RGMA: variants seen among roughly 807,000 people sequenced by gnomAD.
The protein encoded by RGMA is repulsive guidance molecule BMP co-receptor a, also known as repulsive guidance molecule A.
A neutral mutation model predicts 23.2 loss-of-function variants in RGMA; 10 were observed. The ratio of observed to expected loss-of-function variants is 0.43; its 90% CI spans 0.27 to 0.73. RGMA has a LOEUF of 0.73. RGMA is among the 30% of genes least tolerant of loss of function. The pLI, the probability that RGMA is intolerant of heterozygous loss-of-function variation, is 0.20. For missense variants in RGMA, 547 were observed against 630.5 expected (o/e 0.87, Z 1.42); for synonymous variants, 308 against 279.3 (o/e 1.10, Z -1.03).
At chr15:93,072,588 C>G (rs1895364994) in intron 2 of RGMA, among the ~76,000 whole-genome samples, 1 of 152,180 alleles carries the variant, frequency 6.6e-6, no homozygotes, top group South Asian at 2.1e-4. Context: ...CTCCCCTTCT[C>G]CCCCTCTTCC....
In RGMA at chr15:93,053,996, G is replaced by A. The variant is rs146905489; in HGVS notation, c.131-1489C>T. On this transcript the variant is annotated intron_variant, in intron 2 of 3. Transcript: ENST00000329082. ...TAATCCCAGCACTTTTTGGGAGGCCGAGGCAGGCAGATCATGTGAGGTCTG... is the reference window on the plus strand; with the variant it reads ...TAATCCCAGCACTTTTTGGGAGGCCAAGGCAGGCAGATCATGTGAGGTCTG... Among the ~76,000 whole-genome samples, 126 of 152,208 alleles carry A rather than the reference G, an allele frequency of 8.3e-4. 1 individual carries two copies. The highest frequency in any genetic ancestry group is 2.8e-3 in the African/African-American group (115 of 41,526).
At chr15:93,046,360 T>TC (rs2054824472) in intron 3 of RGMA, among the ~76,000 whole-genome samples, 1 of 152,172 alleles carries the variant, frequency 6.6e-6, no homozygotes, top group Admixed American at 6.5e-5. Flanking sequence ...GAATGGATTC[T>TC]CCCCTGGAGT....
rs1331697623 is a variant in RGMA at position 93,045,508 on chromosome 15, G to A, written c.843C>T (p.Ile281=). The change falls in exon 4 of 4, where the codon ATC becomes ATT. Residue 281 remains isoleucine, a synonymous_variant. Transcript: ENST00000329082. This position sits in a 1 kb window ranked among gnomAD's most constrained non-coding sequence, Gnocchi z 6.9. The part of the protein sequence containing the change: ...EIQAKYIGTT[I]VVRQVGRYLT... ...GGTAGCGGCCCACCTGGCGCACCAC[G>A]ATGGTGGTGCCGATGTACTTGGCCT... 4.3e-6 allele frequency: 7 copies of A among 1,613,232 alleles called. No individual in the cohort carries two copies. Among genetic ancestry groups the A allele is most frequent in the East Asian group, 4.5e-5 (2 of 44,874 alleles).
chr15:93,044,698 G>T lies in RGMA; in HGVS notation c.*300C>A, dbSNP rs2054785154. 1 of 445,354 alleles carries T rather than the reference G, an allele frequency of 2.2e-6. No individual in the cohort carries two copies. Among genetic ancestry groups the T allele is most frequent in the Admixed American group, 3.9e-5 (1 of 25,884 alleles). 27.6% of individuals were successfully genotyped at this position (445,354 alleles called of 1,614,324 possible). Reference sequence around the variant, plus strand: ...GGTTCCCAGTGTGTCTCTGGTGGGGGTGGGGGGCTTCAGCCTGAGGGGATG... The same window carrying T: ...GGTTCCCAGTGTGTCTCTGGTGGGGTTGGGGGGCTTCAGCCTGAGGGGATG... On this transcript the variant is annotated 3_prime_UTR_variant, in exon 4 of 4. Transcript: ENST00000329082.
chr15:93,087,866 G>C (rs1895664253), intron 1 of RGMA, among the ~76,000 whole-genome samples: 1 of 152,036 alleles, frequency 6.6e-6, no homozygotes, highest in African/African-American at 2.4e-5. Context: ...GGGAGGTCGG[G>C]GTTCTCCCTG....
chr15:93,051,224 G>T (rs2054913481), intron 3 of RGMA, among the ~76,000 whole-genome samples: 1 of 152,234 alleles, frequency 6.6e-6, no homozygotes, highest in South Asian at 2.1e-4. Context: ...TCCTCTGGGT[G>T]TGGAGGGGTG....
At chr15:93,082,160 T>G (rs1895568863) in intron 1 of RGMA, among the ~76,000 whole-genome samples, 1 of 152,232 alleles carries the variant, frequency 6.6e-6, no homozygotes, top group Non-Finnish European at 1.5e-5. Context: ...CAATATTCAT[T>G]TTATATCATG....
chr15:93,083,659 A>G (rs536962944), intron 1 of RGMA, among the ~76,000 whole-genome samples: 1 of 152,338 alleles, frequency 6.6e-6, no homozygotes, highest in East Asian at 1.9e-4. Context: ...AGTATTCTGA[A>G]ATCTGAATGT....
intron 1 of RGMA, among the ~76,000 whole-genome samples, chr15:93,087,110 A>G (rs562092372): frequency 7.6e-4 from 115 of 152,310 alleles, no homozygotes; most frequent in African/African-American, 2.7e-3. Flanking sequence ...GAAGCAGGGT[A>G]CTTGAAAAAA....
intron 3 of RGMA, among the ~76,000 whole-genome samples, chr15:93,048,058 A>G (rs961241603): frequency 3.9e-5 from 6 of 152,132 alleles, no homozygotes; most frequent in African/African-American, 1.2e-4. Flanking sequence ...GCCCAGGGTC[A>G]TGGCCTCAGG....
At chr15:93,060,915 G>A (rs532795410) in intron 2 of RGMA, among the ~76,000 whole-genome samples, 3 of 152,302 alleles carry the variant, frequency 2.0e-5, no homozygotes, top group Non-Finnish European at 4.4e-5. Context: ...GAAGTAGGGC[G>A]GCTTTGTGAT....
At chr15:93,078,943 T>C (rs115899910) in intron 1 of RGMA, among the ~76,000 whole-genome samples, 3,273 of 152,372 alleles carry the variant, frequency 0.021, 138 homozygotes, top group African/African-American at 0.076. Context: ...ATTTGGATTA[T>C]GTTCTCATAA....
intron 1 of RGMA, among the ~76,000 whole-genome samples, chr15:93,077,591 T>C (rs993580318): frequency 3.9e-5 from 6 of 152,220 alleles, no homozygotes; most frequent in East Asian, 1.9e-4. Flanking sequence ...TTTCTTGAGA[T>C]TGTTGCTACA....
At chr15:93,074,134 T>C (rs929726720) in intron 1 of RGMA, 2 of 670,222 alleles carry the variant, frequency 3.0e-6, no homozygotes, top group Non-Finnish European at 4.1e-6. Context: ...GAAACACAAA[T>C]AGTCCTGAGC....
intron 1 of RGMA, chr15:93,088,456 G>T: frequency 2.0e-6 from 2 of 986,684 alleles, no homozygotes; most frequent in Non-Finnish European, 2.4e-6. Context: ...CCCACGCGGT[G>T]CACTGCGCCG....
At chr15:93,086,290 G>A (rs915052345) in intron 1 of RGMA, among the ~76,000 whole-genome samples, 5 of 152,168 alleles carry the variant, frequency 3.3e-5, no homozygotes, top group African/African-American at 1.2e-4. Context: ...TCGTTTCACA[G>A]AACTAACAGA....
At chr15:93,069,584 A>T (rs759976331) in intron 2 of RGMA, among the ~76,000 whole-genome samples, 17 of 152,208 alleles carry the variant, frequency 1.1e-4, no homozygotes, top group Non-Finnish European at 7.3e-5. Flanking sequence ...AGGAACAAAG[A>T]AAGTCTGGAG....
chr15:93,071,234 C>T (rs1895312085), intron 2 of RGMA, among the ~76,000 whole-genome samples: 1 of 152,222 alleles, frequency 6.6e-6, no homozygotes, highest in African/African-American at 2.4e-5. Flanking sequence ...TTGCAAACTC[C>T]TGCTTTTCCA....
intron 1 of RGMA, among the ~76,000 whole-genome samples, chr15:93,082,054 C>CA (rs1460588815): frequency 2.2e-4 from 34 of 152,342 alleles, no homozygotes; most frequent in African/African-American, 8.2e-4. Flanking sequence ...ATTTGCAGAT[C>CA]TATCAAAAGA....
Sources: gnomAD v4.1 joint callset for allele counts (sites outside exome capture counted in the v4.1 genomes callset) on GRCh38, gnomAD v4.1.1 for gene constraint, Gnocchi (gnomAD v3.1) non-coding constraint, MANE v1.5 for transcripts, NCBI Gene and HGNC (gene_info 2026-07-23, HGNC 2026-07-21) for gene names.